Variants in STRN3 observed in about 807,000 individuals in gnomAD.
The protein encoded by STRN3 is striatin 3.
STRN3 carries 29 observed loss-of-function variants against 95.6 expected under a neutral mutation model. The ratio of observed to expected loss-of-function variants is 0.30; its 90% CI spans 0.23 to 0.41. The LOEUF is 0.41. STRN3 is among the 10% of genes least tolerant of loss of function. The pLI is 1.00. For synonymous variants in STRN3, 331 were observed against 357.6 expected (o/e 0.93, Z 0.84); for missense variants, 890 against 972.1 (o/e 0.92, Z 1.12).
At chr14:31,017,701 C>A (rs1407421525) in intron 1 of STRN3, among the ~76,000 whole-genome samples, 1 of 152,074 alleles carries the variant, frequency 6.6e-6, no homozygotes, top group Non-Finnish European at 1.5e-5. Context: ...TAGGAGACTA[C>A]TTGTACTTTC....
intron 8 of STRN3, among the ~76,000 whole-genome samples, chr14:30,924,686 TG>T (rs1896976584): frequency 6.6e-6 from 1 of 152,104 alleles, no homozygotes. Flanking sequence ...ACAGAGATCC[TG>T]TCTATTAAAA....
chr14:30,925,245 G>A (rs564217143), intron 8 of STRN3, among the ~76,000 whole-genome samples: 2 of 147,566 alleles, frequency 1.4e-5, no homozygotes, highest in South Asian at 2.2e-4. Context: ...GGGCAGGGGG[G>A]TAAAAAAAAG....
In STRN3 at chr14:30,906,864, A is replaced by G; in HGVS notation, c.1888+13T>C. 1 of 1,595,516 alleles carries G rather than the reference A, an allele frequency of 6.3e-7. No homozygotes were observed. The highest frequency in any genetic ancestry group is 1.1e-5 in the South Asian group (1 of 88,186). Reference sequence around the variant, plus strand: ...AAAAACTAACTTTTCTCACAGATGCAAAATTTACTTACTTTTATCTCCATT... The same window carrying G: ...AAAAACTAACTTTTCTCACAGATGCGAAATTTACTTACTTTTATCTCCATT... On this transcript the variant is annotated intron_variant, in intron 14 of 17. Transcript: ENST00000357479.
chr14:30,945,011 C>T (rs1317227937), intron 5 of STRN3, among the ~76,000 whole-genome samples: 1 of 152,154 alleles, frequency 6.6e-6, no homozygotes, highest in East Asian at 1.9e-4. Flanking sequence ...TTATTAAGCT[C>T]TAAATGACCT....
At chr14:30,965,650 TCTCTA>T (rs143701165) in intron 1 of STRN3, among the ~76,000 whole-genome samples, 11,304 of 150,926 alleles carry the variant, frequency 0.075, 640 homozygotes, top group East Asian at 0.21. Flanking sequence ...TGAAACCCCA[TCTCTA>T]CTAAAAAAAT....
chr14:30,960,868 C>CAAAAAAAAAAAAAAAAAAAAAAAA (rs56227331), intron 1 of STRN3, among the ~76,000 whole-genome samples: 3 of 47,604 alleles, frequency 6.3e-5, no homozygotes, highest in African/African-American at 8.3e-5. Context: ...GACTCCATCT[C>CAAAAAAAAAAAAAAAAAAAAAAAA]AAAAAAAAAA....
intron 1 of STRN3, among the ~76,000 whole-genome samples, chr14:31,009,773 G>A (rs1311789078): frequency 6.6e-6 from 1 of 152,038 alleles, no homozygotes; most frequent in Non-Finnish European, 1.5e-5. Context: ...ATCTTAGTAA[G>A]TAATAAAGCA....
At chr14:31,002,149 A>G (rs1882484554) in intron 1 of STRN3, among the ~76,000 whole-genome samples, 1 of 110,840 alleles carries the variant, frequency 9.0e-6, no homozygotes, top group East Asian at 3.1e-4. Context: ...CTGGGCAACA[A>G]GAGTGAAATT....
intron 5 of STRN3, among the ~76,000 whole-genome samples, chr14:30,942,258 C>T (rs1879130352): frequency 2.0e-5 from 3 of 152,116 alleles, no homozygotes; most frequent in Admixed American, 2.0e-4. Flanking sequence ...TTAAGCCCTT[C>T]ACTGTCCTTT....
intron 1 of STRN3, among the ~76,000 whole-genome samples, chr14:31,016,895 C>G (rs904075506): frequency 1.3e-5 from 2 of 152,190 alleles, no homozygotes; most frequent in Non-Finnish European, 2.9e-5. Context: ...TAGCTGACAC[C>G]TGTAATCCTA....
At chr14:30,922,454 A>G (rs1355372634) in intron 8 of STRN3, among the ~76,000 whole-genome samples, 1 of 152,336 alleles carries the variant, frequency 6.6e-6, no homozygotes, top group African/African-American at 2.4e-5. Flanking sequence ...CGTGTAAGCC[A>G]AACTATAGAC....
intron 1 of STRN3, among the ~76,000 whole-genome samples, chr14:30,987,982 C>T (rs912988296): frequency 5.3e-5 from 8 of 152,098 alleles, no homozygotes; most frequent in Non-Finnish European, 1.0e-4. Flanking sequence ...GTGAATCGCC[C>T]GCCTAGGCCT....
Position 30,902,623 on chromosome 14 carries a change from T to C in STRN3, c.2050A>G (p.Ile684Val), listed in dbSNP as rs748841986. 3 of 1,599,872 alleles carry C rather than the reference T, an allele frequency of 1.9e-6. No homozygotes were observed. Among genetic ancestry groups the C allele is most frequent in the Admixed American group, 3.5e-5 (2 of 57,748 alleles). ...GTGGGATGACTTACTACTCTGTTGA[T>C]ATGATTATTAGATTGTAAACCTGAA... is the stretch of plus-strand genomic sequence containing the variant. ...VDSGLQSNNH[I>V]NRVVSHPTLP... Residue 684 changes from isoleucine (I) to valine (V), a missense_variant, in exon 16 of 18, where the codon ATC becomes GTC. Around this residue, in one of 3 missense-constraint regions of STRN3, gnomAD observed 357 missense variants for 422.8 expected, o/e 0.84. Coordinates refer to ENST00000357479, the MANE Select transcript of STRN3 (RefSeq NM_001083893.2).
chr14:31,017,392 G>C (rs978283556), intron 1 of STRN3, among the ~76,000 whole-genome samples: 1 of 87,112 alleles, frequency 1.1e-5, no homozygotes, highest in Non-Finnish European at 3.0e-5. Context: ...CCACCTACTA[G>C]GGAGGCTGAG....
intron 5 of STRN3, among the ~76,000 whole-genome samples, chr14:30,941,386 T>C (rs190146835): frequency 6.6e-5 from 10 of 152,206 alleles, no homozygotes; most frequent in Non-Finnish European, 1.2e-4. Context: ...GGATAAAAGC[T>C]GCCAACATAC....
chr14:30,967,469 G>A (rs901847102), intron 1 of STRN3, among the ~76,000 whole-genome samples: 3 of 152,308 alleles, frequency 2.0e-5, no homozygotes, highest in Admixed American at 6.5e-5. Flanking sequence ...GGTCTTCTCC[G>A]TGACCCTATA....
At chr14:30,929,966 A>AAAAAAAAAAAAAAAAC (rs1555317368) in intron 7 of STRN3, among the ~76,000 whole-genome samples, 4 of 108,314 alleles carry the variant, frequency 3.7e-5, no homozygotes, top group South Asian at 3.4e-4. Context: ...AAAAAAAAAA[A>AAAAAAAAAAAAAAAAC]AAAAAAAAAA....
chr14:31,019,816 T>C (rs1213039919), intron 1 of STRN3, among the ~76,000 whole-genome samples: 4 of 152,062 alleles, frequency 2.6e-5, no homozygotes, highest in Admixed American at 6.6e-5. Context: ...AATTAGAATA[T>C]ACTTTAGGAT....
At chr14:31,014,890 C>T (rs1371391564) in intron 1 of STRN3, 2 of 373,218 alleles carry the variant, frequency 5.4e-6, no homozygotes, top group African/African-American at 2.3e-5. Context: ...TACAATGGTG[C>T]AATCTTTGCT....
Sources: gnomAD v4.1 joint callset for allele counts (sites outside exome capture counted in the v4.1 genomes callset) on GRCh38, gnomAD v4.1.1 for gene constraint, gnomAD v4.1.1 regional missense constraint, MANE v1.5 for transcripts, NCBI Gene and HGNC (gene_info 2026-07-23, HGNC 2026-07-21) for gene names.